SYNJ2: variants seen among roughly 807,000 people sequenced by gnomAD.
SYNJ2 encodes the protein synaptojanin 2.
Under a neutral mutation model 141.3 loss-of-function variants are expected in SYNJ2, and 116 were observed. The ratio of observed to expected loss-of-function variants is 0.82; its 90% CI spans 0.71 to 0.96. The LOEUF is 0.96. Among genes scored for constraint, SYNJ2 ranks in the 40% least tolerant of loss-of-function variants. The pLI, the probability that SYNJ2 is intolerant of heterozygous loss-of-function variation, is 0.00. For missense variants in SYNJ2, 1,873 were observed against 1,934.8 expected (o/e 0.97, Z 0.60); for synonymous variants, 745 against 777.7 (o/e 0.96, Z 0.70).
At chr6:158,031,195 G>A (rs1779341393) in intron 3 of SYNJ2, among the ~76,000 whole-genome samples, 1 of 152,232 alleles carries the variant, frequency 6.6e-6, no homozygotes. Context: ...TCTTTGTGTG[G>A]AGTCCGTGAA....
At chr6:157,988,505 G>T (rs1184004170) in intron 1 of SYNJ2, among the ~76,000 whole-genome samples, 1 of 152,152 alleles carries the variant, frequency 6.6e-6, no homozygotes, top group Non-Finnish European at 1.5e-5. Flanking sequence ...AGATATTCAG[G>T]CAGACCTGTC....
intron 1 of SYNJ2, among the ~76,000 whole-genome samples, chr6:158,016,315 C>T (rs189354856): frequency 2.2e-4 from 33 of 152,192 alleles, no homozygotes; most frequent in African/African-American, 7.9e-4. Context: ...GGTTCCGCCA[C>T]GTTGCCCAGG....
intron 2 of SYNJ2, among the ~76,000 whole-genome samples, chr6:158,024,206 C>T (rs1778919399): frequency 6.6e-6 from 1 of 152,098 alleles, no homozygotes. Flanking sequence ...GGGCGGACCA[C>T]TAGAGGTCAG....
chr6:158,096,622 A>C lies in SYNJ2; in HGVS notation c.*258A>C, dbSNP rs111484670. ...GGAACCTTCCTGTTAAATTCGGTGT[A>C]TGGATTTTAAGAAAGGAATCTAGCC... On this transcript the variant is annotated 3_prime_UTR_variant, in exon 27 of 27. Coordinates refer to ENST00000355585, the MANE Select transcript of SYNJ2 (RefSeq NM_003898.4). 8 of 341,452 alleles carry C rather than the reference A, an allele frequency of 2.3e-5. 1 individual carries two copies. The highest frequency in any genetic ancestry group is 1.5e-4 in the African/African-American group (7 of 47,112). 21.2% of individuals were successfully genotyped at this position (341,452 alleles called of 1,614,324 possible). A position where few individuals can be genotyped will look rare whatever the true frequency, so the allele number is the denominator to read the frequency against.
chr6:158,032,867 T>C (rs1779441236), intron 3 of SYNJ2, among the ~76,000 whole-genome samples: 1 of 152,262 alleles, frequency 6.6e-6, no homozygotes, highest in African/African-American at 2.4e-5. Flanking sequence ...GAGGGAATAC[T>C]TGAACTTTCA....
At position 158,093,768 on chromosome 6, in the gene SYNJ2, A is replaced by T. The variant is rs1783624446; in HGVS notation, c.3744+664A>T. On this transcript the variant is annotated intron_variant, in intron 26 of 26. Coordinates refer to ENST00000355585, the MANE Select transcript of SYNJ2 (RefSeq NM_003898.4). Reference sequence around the variant, plus strand: ...TTTGCGTGTGGTCTGTGTTGTGTGCACATGGTTTCAAGGCATTAGGAAAAC... The same window carrying T: ...TTTGCGTGTGGTCTGTGTTGTGTGCTCATGGTTTCAAGGCATTAGGAAAAC... 2.2e-5 allele frequency: 15 copies of T among 679,548 alleles called. 1 individual carries two copies. In the South Asian group the frequency reaches 2.5e-4, roughly 11 times the overall value. 42.1% of individuals were successfully genotyped at this position (679,548 alleles called of 1,614,324 possible).
At chr6:158,045,310 A>T (rs973021308) in intron 5 of SYNJ2, among the ~76,000 whole-genome samples, 9 of 151,912 alleles carry the variant, frequency 5.9e-5, no homozygotes, top group Admixed American at 5.3e-4. Flanking sequence ...GAGTTTCACC[A>T]TGTTAGCCAG....
chr6:157,985,437 C>A (rs1246125793), intron 1 of SYNJ2, among the ~76,000 whole-genome samples: 1 of 152,190 alleles, frequency 6.6e-6, no homozygotes, highest in African/African-American at 2.4e-5. Flanking sequence ...AATGTATTGG[C>A]ACTGATTTAA....
chr6:158,022,914 C>T (rs1406198198), intron 2 of SYNJ2, among the ~76,000 whole-genome samples: 1 of 152,188 alleles, frequency 6.6e-6, no homozygotes, highest in Non-Finnish European at 1.5e-5. Flanking sequence ...AGCGACCCCC[C>T]ACAGCCTGGT....
At chr6:157,988,441 A>G (rs1777289061) in intron 1 of SYNJ2, among the ~76,000 whole-genome samples, 1 of 152,168 alleles carries the variant, frequency 6.6e-6, no homozygotes, top group Non-Finnish European at 1.5e-5. Flanking sequence ...TTAAAACTGA[A>G]CAGCTGGGCA....
rs1393948542 is a variant in SYNJ2, at chr6:158,028,846, C to T, written c.305C>T (p.Thr102Ile). 1 of 1,614,212 alleles carries T rather than the reference C, an allele frequency of 6.2e-7. No homozygotes were observed. The highest frequency in any genetic ancestry group is 1.3e-5 in the African/African-American group (1 of 75,040). The stretch of plus-strand genomic sequence containing the variant: ...GCTGAAATCTACAAAATCACTGCCA[C>T]TGACTTTTACCCTCTTCAGGAAGAG... ...PDAEIYKITA[T>I]DFYPLQEEAK... The change falls in exon 3 of 27, where the codon ACT becomes ATT. Residue 102 changes from threonine to isoleucine, a missense_variant. Coordinates refer to ENST00000355585, the MANE Select transcript of SYNJ2 (RefSeq NM_003898.4).
chr6:158,089,833 C>CT lies in SYNJ2; in HGVS notation c.3457-5dup, dbSNP rs1562407659. On this transcript the variant is annotated splice_region_variant and splice_polypyrimidine_tract_variant and intron_variant, in intron 24 of 26. Coordinates refer to ENST00000355585, the MANE Select transcript of SYNJ2 (RefSeq NM_003898.4). ...ATACTCTGCTCTTCCTCATTCTGTC[C>CT]TCAAGCCCAAGGCTCGGACTGGAAT... 3 of 1,611,028 alleles carry CT rather than the reference C, an allele frequency of 1.9e-6. No homozygotes were observed. Among genetic ancestry groups the CT allele is most frequent in the Non-Finnish European group, 2.5e-6 (3 of 1,177,836 alleles).
Position 158,027,297 on chromosome 6 carries a change from G to A in SYNJ2, c.215-1459G>A, listed in dbSNP as rs1465798452. ...CCCTTGATCATTCACAGAAGATCTC[G>A]CTGGGCGGATCCTTCAGACCTCAGC... On this transcript the variant is annotated intron_variant, in intron 2 of 26. Transcript: ENST00000355585. This position sits in a 1 kb window ranked among gnomAD's most constrained non-coding sequence, Gnocchi z 4.6. 1.7e-5 allele frequency: 13 copies of A among 767,768 alleles called. No homozygotes were observed. The highest frequency in any genetic ancestry group is 2.6e-4 in the East Asian group (2 of 7,744). The allele number at this position is 767,768 out of a possible 1,614,324, so 47.6% of individuals were successfully genotyped here.
intron 1 of SYNJ2, among the ~76,000 whole-genome samples, chr6:157,988,114 C>T (rs971282478): frequency 6.6e-6 from 1 of 152,260 alleles, no homozygotes; most frequent in African/African-American, 2.4e-5. Context: ...GCCTGCTCAG[C>T]CCCCTCCCAG....
intron 4 of SYNJ2, among the ~76,000 whole-genome samples, chr6:158,041,729 T>C (rs950751911): frequency 1.6e-4 from 24 of 152,180 alleles, no homozygotes; most frequent in African/African-American, 5.3e-4. Flanking sequence ...GTTTGGTGTT[T>C]TTTGGATTTC....
At chr6:158,008,257 GCCAC>G (rs1778144919) in intron 1 of SYNJ2, among the ~76,000 whole-genome samples, 1 of 152,156 alleles carries the variant, frequency 6.6e-6, no homozygotes, top group South Asian at 2.1e-4. Flanking sequence ...ACAGGCATGA[GCCAC>G]CACGTCTGGC....
At chr6:158,044,002 C>T (rs868080026) in intron 5 of SYNJ2, among the ~76,000 whole-genome samples, 4 of 152,196 alleles carry the variant, frequency 2.6e-5, no homozygotes, top group African/African-American at 2.4e-5. Context: ...TGGAATGACA[C>T]GCTGCCTCCT....
At chr6:158,064,468 A>G (rs1781432189) in intron 9 of SYNJ2, 133 bp from the exon 10 acceptor site, 2 of 1,143,712 alleles carry the variant, frequency 1.7e-6, no homozygotes, top group African/African-American at 3.1e-5. Flanking sequence ...GGAACTCCTC[A>G]TCCTCTGGAG....
rs1374002085 is a variant in SYNJ2, at chr6:158,033,650, C to T, written c.681C>T (p.Gly227=). The change falls in exon 4 of 27, where the codon GGC becomes GGT. Residue 227 remains glycine (G), a synonymous_variant. Coordinates refer to ENST00000355585, the MANE Select transcript of SYNJ2 (RefSeq NM_003898.4). ...ACACCCGTGGCGTGAACGACGACGG[C>T]CATGTGTCCAACTTCGTGGAGACAG... is the stretch of plus-strand genomic sequence containing the variant. ...RFHTRGVNDD[G]HVSNFVETEQ... is the part of the protein sequence containing the mutation. 6 of 1,611,454 alleles carry T rather than the reference C, an allele frequency of 3.7e-6. No homozygotes were observed. The highest frequency in any genetic ancestry group is 2.7e-5 in the African/African-American group (2 of 74,932).
Sources: allele counts gnomAD v4.1 joint callset (sites outside exome capture counted in the v4.1 genomes callset), GRCh38; gene constraint gnomAD v4.1.1; non-coding constraint Gnocchi (gnomAD v3.1); transcripts MANE v1.5; gene names NCBI Gene and HGNC (gene_info 2026-07-23, HGNC 2026-07-21).